Variants in DLGAP2 observed in about 807,000 individuals in gnomAD.
The protein encoded by DLGAP2 is DLG associated protein 2, also known as disks large-associated protein 2.
Under a neutral mutation model 100.3 loss-of-function variants are expected in DLGAP2, and 26 were observed. The observed-to-expected ratio is 0.26, with a 90% CI of 0.19 to 0.36. The LOEUF is 0.36. DLGAP2 is among the 10% of genes least tolerant of loss of function. The pLI is 1.00. For synonymous variants in DLGAP2, 886 were observed against 630.1 expected (o/e 1.41, Z -6.08); for missense variants, 1,858 against 1,453.2 (o/e 1.28, Z -4.53).
chr8:984,397 C>A (rs747606080), intron 2 of DLGAP2, among the ~76,000 whole-genome samples: 1 of 152,228 alleles, frequency 6.6e-6, no homozygotes, highest in Non-Finnish European at 1.5e-5. Context: ...TGTGCCCTTA[C>A]AGGGCTCAAA....
intron 2 of DLGAP2, among the ~76,000 whole-genome samples, chr8:1,038,860 A>G (rs1430881343): frequency 2.0e-5 from 3 of 152,054 alleles, no homozygotes; most frequent in African/African-American, 7.3e-5. Context: ...TGTGTGAGGA[A>G]CCTCATTGAG....
chr8:1,076,525 G>A (rs760043748), intron 2 of DLGAP2, among the ~76,000 whole-genome samples: 2 of 152,220 alleles, frequency 1.3e-5, no homozygotes, highest in African/African-American at 4.8e-5. Flanking sequence ...TCGGAAGATG[G>A]CCTCTGGGCT....
At chr8:812,023 C>T (rs1046917000) in intron 1 of DLGAP2, among the ~76,000 whole-genome samples, 1 of 152,242 alleles carries the variant, frequency 6.6e-6, no homozygotes. Flanking sequence ...TTCCGGACTT[C>T]TGCCAAAGCC....
At chr8:944,464 C>A (rs138035817) in intron 2 of DLGAP2, among the ~76,000 whole-genome samples, 1 of 150,930 alleles carries the variant, frequency 6.6e-6, no homozygotes, top group Non-Finnish European at 1.5e-5. Context: ...TGTAGGTGAT[C>A]CAGTGGGTGG....
At chr8:1,548,275 CAT>C (rs982895266) in intron 4 of DLGAP2, among the ~76,000 whole-genome samples, 2 of 150,028 alleles carry the variant, frequency 1.3e-5, no homozygotes, top group Non-Finnish European at 3.0e-5. Flanking sequence ...GCCTGACCAA[CAT>C]GGCGAAACCT....
chr8:1,075,271 G>A (rs752048069), intron 2 of DLGAP2, among the ~76,000 whole-genome samples: 6 of 152,264 alleles, frequency 3.9e-5, no homozygotes, highest in Middle Eastern at 6.8e-3. Context: ...GTTGAGGAGC[G>A]TGAGGGAAGG....
At chr8:1,071,653 AT>A (rs1190019955) in intron 2 of DLGAP2, among the ~76,000 whole-genome samples, 6 of 152,066 alleles carry the variant, frequency 3.9e-5, no homozygotes, top group South Asian at 2.1e-4. Context: ...TTTAAGCCTT[AT>A]TTTTTTAAGG....
At chr8:1,571,747 G>A (rs79439767) in intron 6 of DLGAP2, among the ~76,000 whole-genome samples, 170 of 126,534 alleles carry the variant, frequency 1.3e-3, no homozygotes, top group African/African-American at 4.4e-3. Context: ...GGAGAGGAGA[G>A]AGGGTGAACT....
chr8:913,392 T>C (rs1798528071), intron 2 of DLGAP2, among the ~76,000 whole-genome samples: 1 of 152,216 alleles, frequency 6.6e-6, no homozygotes, highest in Non-Finnish European at 1.5e-5. Context: ...TGGCCAAGTT[T>C]GCATTCTCTC....
intron 2 of DLGAP2, among the ~76,000 whole-genome samples, chr8:1,106,511 G>GC (rs1217499740): frequency 1.1e-4 from 17 of 149,980 alleles, no homozygotes; most frequent in African/African-American, 3.7e-4. Flanking sequence ...ACTGAAGGAG[G>GC]CCATTCTAGG....
intron 12 of DLGAP2, among the ~76,000 whole-genome samples, chr8:1,684,024 A>C (rs35020494): frequency 0.48 from 62,089 of 128,210 alleles, 17,789 homozygotes; most frequent in African/African-American, 0.77. Context: ...CTCTGACACC[A>C]AGGCTGGAGC....
chr8:1,559,213 G>T (rs979047354), intron 5 of DLGAP2, among the ~76,000 whole-genome samples: 1 of 152,196 alleles, frequency 6.6e-6, no homozygotes, highest in African/African-American at 2.4e-5. Context: ...GTTAAATGCA[G>T]CAGGGACTGC....
At chr8:1,164,913 C>A (rs558536579) in intron 2 of DLGAP2, among the ~76,000 whole-genome samples, 1 of 152,202 alleles carries the variant, frequency 6.6e-6, no homozygotes, top group African/African-American at 2.4e-5. Context: ...AAAACACATG[C>A]AAGATGCAAT....
chr8:1,357,132 G>C (rs1246765199), intron 3 of DLGAP2, among the ~76,000 whole-genome samples: 2 of 152,076 alleles, frequency 1.3e-5, no homozygotes, highest in African/African-American at 4.8e-5. Flanking sequence ...GTCTACTGCA[G>C]AAGACGTGTG....
chr8:1,591,336 G>C (rs1018670755), intron 6 of DLGAP2, among the ~76,000 whole-genome samples: 8 of 152,314 alleles, frequency 5.3e-5, no homozygotes, highest in Non-Finnish European at 1.0e-4. Context: ...GGCCAGGTGG[G>C]AAGGAGGATG....
At chr8:1,231,626 T>C (rs574649413) in intron 2 of DLGAP2, among the ~76,000 whole-genome samples, 2 of 152,328 alleles carry the variant, frequency 1.3e-5, no homozygotes, top group South Asian at 4.1e-4. Flanking sequence ...AATGGCTGTG[T>C]ACACCGTGGG....
chr8:1,036,457 G>A (rs1285965023), intron 2 of DLGAP2, among the ~76,000 whole-genome samples: 1 of 152,242 alleles, frequency 6.6e-6, no homozygotes, highest in African/African-American at 2.4e-5. Context: ...ACGGGGTGTG[G>A]GTGGCAGCTG....
chr8:1,195,506 C>A (rs1797732067), intron 2 of DLGAP2, among the ~76,000 whole-genome samples: 1 of 152,156 alleles, frequency 6.6e-6, no homozygotes, highest in South Asian at 2.1e-4. Context: ...CAATTGTTTC[C>A]CCACTTGGAA....
chr8:1,584,709 GC>G (rs1051072476), intron 6 of DLGAP2, among the ~76,000 whole-genome samples: 1 of 152,132 alleles, frequency 6.6e-6, no homozygotes, highest in African/African-American at 2.4e-5. Flanking sequence ...CTTGGCACTT[GC>G]TCCTGGGGGT....
Sources: gnomAD v4.1 joint callset for allele counts (sites outside exome capture counted in the v4.1 genomes callset) on GRCh38, gnomAD v4.1.1 for gene constraint, MANE v1.5 for transcripts, NCBI Gene and HGNC (gene_info 2026-07-23, HGNC 2026-07-21) for gene names.